PTPRS: variants seen among roughly 807,000 people sequenced by gnomAD.
The protein encoded by PTPRS is receptor-type tyrosine-protein phosphatase S.
Under a neutral mutation model 215.3 loss-of-function variants are expected in PTPRS, and 63 were observed. The observed-to-expected ratio is 0.29, with a 90% CI of 0.24 to 0.36. The LOEUF (loss-of-function observed/expected upper bound fraction) is 0.36. Ranked by LOEUF, PTPRS falls within the 10% of genes least tolerant of loss-of-function variation. The pLI is 1.00. For synonymous variants in PTPRS, 1,404 were observed against 1,191.4 expected, an observed-to-expected ratio of 1.18 and a Z score of -3.68; for missense variants, 2,258 against 2,825.8, an observed-to-expected ratio of 0.80 and a Z score of 4.56.
intron 1 of PTPRS, among the ~76,000 whole-genome samples, chr19:5,311,747 G>A (rs979787478): frequency 2.6e-5 from 4 of 152,050 alleles, no homozygotes; most frequent in East Asian, 1.9e-4. Context: ...ATATTGAAAT[G>A]TGCATCCCTT....
rs567797441 is a variant in PTPRS at position 5,259,179 on chromosome 19, T to C, written c.596-1052A>G. 5.9e-5 allele frequency among the ~76,000 whole-genome samples: 9 copies of C among 152,286 alleles called. No homozygotes were observed. In the East Asian group the frequency reaches 1.7e-3, roughly 29 times the overall value. On this transcript the variant is annotated intron_variant, in intron 7 of 37. Coordinates refer to ENST00000262963, the MANE Select transcript of PTPRS (RefSeq NM_002850.4). ...TAAAGATACAAAGAAGAGGGCAATT[T>C]TTCAAGCATATTTAAAACCACAGGC... is the stretch of plus-strand genomic sequence containing the variant.
rs755571203 is a variant in PTPRS at position 5,257,007 on chromosome 19, A to G, written c.707-888T>C. On this transcript the variant is annotated intron_variant, in intron 8 of 37. Coordinates refer to ENST00000262963, the MANE Select transcript of PTPRS (RefSeq NM_002850.4). The surrounding 1 kb of genome is among the most constrained non-coding windows in gnomAD (Gnocchi z 4.4). Reference sequence around the variant, plus strand: ...ACACAGCGCTAACTGGGGCAGCCCTAGGGATTGAAGGGCGCCCTGGCATCC... The same window carrying G: ...ACACAGCGCTAACTGGGGCAGCCCTGGGGATTGAAGGGCGCCCTGGCATCC... Among the ~76,000 whole-genome samples the G allele has an allele frequency of 1.3e-4, 20 of 151,772 alleles. No homozygotes were observed. Among genetic ancestry groups the G allele is most frequent in the Non-Finnish European group, 2.8e-4 (19 of 67,936 alleles).
intron 2 of PTPRS, among the ~76,000 whole-genome samples, chr19:5,276,215 GTGTTTT>G (rs139242208): frequency 0.16 from 24,077 of 151,914 alleles, 2,175 homozygotes; most frequent in African/African-American, 0.23. Context: ...TGGAGTAGGA[GTGTTTT>G]TGTTTTTGTT....
intron 1 of PTPRS, among the ~76,000 whole-genome samples, chr19:5,320,167 G>A (rs2147210291): frequency 6.6e-6 from 1 of 152,322 alleles, no homozygotes; most frequent in Admixed American, 6.5e-5. Context: ...GTCCCTGTTG[G>A]CAAGCCAGGC....
At chr19:5,277,110 A>T (rs1473838237) in intron 2 of PTPRS, among the ~76,000 whole-genome samples, 1 of 141,530 alleles carries the variant, frequency 7.1e-6, no homozygotes, top group Non-Finnish European at 1.5e-5. Flanking sequence ...CCCAGGCTGG[A>T]GTGCAGTGGC....
chr19:5,271,695 G>A (rs571545932), intron 4 of PTPRS, among the ~76,000 whole-genome samples: 11 of 150,646 alleles, frequency 7.3e-5, no homozygotes, highest in Admixed American at 2.0e-4. Context: ...ACCGCGCCCA[G>A]CCATTTCATT....
intron 6 of PTPRS, 44 bp downstream of exon 6, chr19:5,262,920 G>A (rs2046114154): frequency 6.4e-7 from 1 of 1,553,390 alleles, no homozygotes; most frequent in East Asian, 2.3e-5. Flanking sequence ...GGCACAAAGG[G>A]GATGGGGCGT....
rs71172709 is a variant in PTPRS at position 5,306,148 on chromosome 19, A to ATT, written c.-94-19916_-94-19915dup. Among the ~76,000 whole-genome samples the ATT allele has an allele frequency of 1.5e-3, 205 of 140,804 alleles. 3 individuals are homozygous for ATT. Among genetic ancestry groups the ATT allele is most frequent in the Middle Eastern group, 3.8e-3 (1 of 264 alleles). 92.4% of individuals were successfully genotyped at this position (140,804 alleles called of 152,430 possible). A position where few individuals can be genotyped will look rare whatever the true frequency, so the allele number is the denominator to read the frequency against. On this transcript the variant is annotated intron_variant, in intron 1 of 37. Coordinates refer to ENST00000262963, the MANE Select transcript of PTPRS (RefSeq NM_002850.4). ...AAAGGTAACTCTAGAATACAGGGTG[A>ATT]TTTTTTTTTTTTTTGAGACGGAGTC...
chr19:5,320,491 G>A (rs1457144116), intron 1 of PTPRS, among the ~76,000 whole-genome samples: 1 of 152,196 alleles, frequency 6.6e-6, no homozygotes. Context: ...GTGCAGTGGT[G>A]TGATCTTGGC....
At chr19:5,340,405 C>T (rs1280133469) in intron 1 of PTPRS, among the ~76,000 whole-genome samples, 1 of 151,016 alleles carries the variant, frequency 6.6e-6, no homozygotes, top group Admixed American at 6.6e-5. Flanking sequence ...GGACGAAGCC[C>T]CCCCAGCACC....
rs754306125 is a variant in PTPRS, at chr19:5,222,225, C to T, written c.3104-5G>A. On this transcript the variant is annotated splice_polypyrimidine_tract_variant and splice_region_variant and intron_variant, in intron 18 of 37. Coordinates refer to ENST00000262963, the MANE Select transcript of PTPRS (RefSeq NM_002850.4). ...CCTTGAAGTTCTTGGGCGAGACTGCCGGGGAGGCGGCCGAGCAGGGAGAGA... is the reference window on the plus strand; with the variant it reads ...CCTTGAAGTTCTTGGGCGAGACTGCTGGGGAGGCGGCCGAGCAGGGAGAGA... 50 of 1,611,978 alleles carry T rather than the reference C, an allele frequency of 3.1e-5. No homozygotes were observed. Among genetic ancestry groups the T allele is most frequent in the Middle Eastern group, 1.6e-4 (1 of 6,080 alleles).
chr19:5,219,959 C>G lies in PTPRS; in HGVS notation c.3745G>C (p.Val1249Leu). Reference sequence around the variant, plus strand: ...CTTACAGGCTCGCTCTTCTGAAGCACGGCAAGCACGAAGAGGACATAGCGG... The same window carrying G: ...CTTACAGGCTCGCTCTTCTGAAGCAGGGCAAGCACGAAGAGGACATAGCGG... The part of the protein sequence containing the change: ...GHRYVLFVLA[V>L]LQKSEPTFAA... The change falls in exon 22 of 38, where the codon GTG (valine) becomes CTG (leucine). Residue 1249 changes from valine to leucine, a missense_variant. Val to Leu is a conservative substitution (Grantham distance 32). Coordinates refer to ENST00000262963, the MANE Select transcript of PTPRS (RefSeq NM_002850.4). 2.5e-6 allele frequency: 4 copies of G among 1,613,810 alleles called. No homozygotes were observed. Among genetic ancestry groups the G allele is most frequent in the Non-Finnish European group, 2.5e-6 (3 of 1,179,894 alleles).
At position 5,220,105 on chromosome 19, in the gene PTPRS, C is replaced by T. The variant is rs781371580; in HGVS notation, c.3599G>A (p.Arg1200His). ...RLQRRSLRHS[R>H]QLEVPRPYIA... ...ATAGGGCCGGGGCACCTCCAGCTGA[C>T]GCGAGTGCCGCAGGCTGCGCCTCTG... The change falls in exon 22 of 38, where the codon CGT becomes CAT. Residue 1200 changes from arginine (R) to histidine (H), a missense_variant. Physicochemically the swap from Arg to His is conservative, Grantham distance 29. Transcript: ENST00000262963. 9 of 1,613,384 alleles carry T rather than the reference C, an allele frequency of 5.6e-6. No individual in the cohort carries two copies. Among genetic ancestry groups the T allele is most frequent in the South Asian group, 4.4e-5 (4 of 91,084 alleles).
At chr19:5,340,463 T>C (rs10426684) in intron 1 of PTPRS, among the ~76,000 whole-genome samples, 14,091 of 146,442 alleles carry the variant, frequency 0.096, 836 homozygotes, top group African/African-American at 0.17. Flanking sequence ...CCTCGGGGCA[T>C]TGTCCGGGCG....
chr19:5,214,158 G>A (rs2041195490), intron 30 of PTPRS, among the ~76,000 whole-genome samples: 1 of 152,192 alleles, frequency 6.6e-6, no homozygotes, highest in African/African-American at 2.4e-5. Context: ...CTCCTGCCGT[G>A]GGTGGAAACA....
intron 4 of PTPRS, among the ~76,000 whole-genome samples, chr19:5,271,635 CGATCT>C: frequency 6.6e-6 from 1 of 151,510 alleles, no homozygotes; most frequent in South Asian, 2.1e-4. Flanking sequence ...CCTGACCTCG[CGATCT>C]GCCCGCCTTG....
chr19:5,220,965 G>A (rs758491162), intron 20 of PTPRS, 35 bp downstream of exon 20: 5 of 1,574,472 alleles, frequency 3.2e-6, no homozygotes, highest in Admixed American at 1.8e-5. Context: ...GCTGATGGGG[G>A]TGACAAGGAA....
intron 13 of PTPRS, among the ~76,000 whole-genome samples, chr19:5,238,383 C>A (rs1449571517): frequency 6.6e-6 from 1 of 152,172 alleles, no homozygotes; most frequent in Admixed American, 6.5e-5. Flanking sequence ...ACCCCCTCCC[C>A]ACCCTCGGGA....
rs756783819 is a variant in PTPRS at position 5,206,801 on chromosome 19, G to A, written c.5820C>T (p.Leu1940=). The change falls in exon 38 of 38, where the codon CTC becomes CTT. Residue 1940 remains leucine, a synonymous_variant. Transcript: ENST00000262963. ...QFCYQAALEY[L]GSFDHYAT Reference sequence around the variant, plus strand: ...AGGTTGCATAGTGGTCAAAGCTTCCGAGGTACTCCAGTGCCGCCTGGTAAC... The same window carrying A: ...AGGTTGCATAGTGGTCAAAGCTTCCAAGGTACTCCAGTGCCGCCTGGTAAC... 3.7e-6 allele frequency: 6 copies of A among 1,614,132 alleles called. No individual in the cohort carries two copies. The highest frequency in any genetic ancestry group is 1.1e-5 in the South Asian group (1 of 91,080).
Sources: allele counts gnomAD v4.1 joint callset (sites outside exome capture counted in the v4.1 genomes callset), GRCh38; gene constraint gnomAD v4.1.1; non-coding constraint Gnocchi (gnomAD v3.1); transcripts MANE v1.5; gene names NCBI Gene and HGNC (gene_info 2026-07-23, HGNC 2026-07-21).